Variants in ATG2B observed in about 807,000 individuals in gnomAD.
ATG2B encodes the protein autophagy related 2B.
Under a neutral mutation model 241.3 loss-of-function variants are expected in ATG2B, and 121 were observed. The ratio of observed to expected loss-of-function variants is 0.50; its 90% CI spans 0.43 to 0.58. The LOEUF (loss-of-function observed/expected upper bound fraction) is 0.58. Ranked by LOEUF, ATG2B falls within the 20% of genes least tolerant of loss-of-function variation. ATG2B has a pLI of 0.00. For missense variants in ATG2B, 2,306 were observed against 2,491.6 expected (o/e 0.93, Z 1.59); for synonymous variants, 858 against 876.6 (o/e 0.98, Z 0.37).
intron 2 of ATG2B, 121 bp from the exon 3 acceptor site, chr14:96,345,506 A>T (rs10145015): frequency 1.4e-6 from 1 of 691,856 alleles, no homozygotes; most frequent in Non-Finnish European, 2.2e-6. Context: ...TAACATCATG[A>T]TGTTACCCAG....
chr14:96,327,813 T>C (rs1208490546), intron 14 of ATG2B, among the ~76,000 whole-genome samples: 1 of 152,162 alleles, frequency 6.6e-6, no homozygotes, highest in Admixed American at 6.6e-5. Context: ...ACCATCTTCA[T>C]AACCATCATT....
At chr14:96,302,342 G>C (rs1459970478) in intron 33 of ATG2B, among the ~76,000 whole-genome samples, 1 of 152,046 alleles carries the variant, frequency 6.6e-6, no homozygotes, top group Non-Finnish European at 1.5e-5. Context: ...TCAACACTTT[G>C]GGAGGCTAAG....
chr14:96,355,332 C>A (rs377717973), intron 1 of ATG2B, among the ~76,000 whole-genome samples: 1 of 152,044 alleles, frequency 6.6e-6, no homozygotes, highest in South Asian at 2.1e-4. Flanking sequence ...AGGAAGGGGT[C>A]CAGTTTCAAT....
chr14:96,321,276 T>C (rs1401386573), intron 18 of ATG2B, among the ~76,000 whole-genome samples: 1 of 152,172 alleles, frequency 6.6e-6, no homozygotes, highest in African/African-American at 2.4e-5. Flanking sequence ...TTCTGAAGAT[T>C]AATGGAAACT....
At chr14:96,299,917 C>T (rs1886744659) in intron 34 of ATG2B, among the ~76,000 whole-genome samples, 3 of 152,102 alleles carry the variant, frequency 2.0e-5, no homozygotes, top group Admixed American at 2.0e-4. Context: ...AAAAAATAAA[C>T]AAAAATATTT....
intron 30 of ATG2B, among the ~76,000 whole-genome samples, chr14:96,306,028 T>C (rs1177964815): frequency 6.6e-6 from 1 of 152,224 alleles, no homozygotes; most frequent in East Asian, 1.9e-4. Flanking sequence ...AACCACTCCA[T>C]AAGGATTTTT....
chr14:96,295,082 G>A lies in ATG2B; in HGVS notation c.5304C>T (p.Phe1768=). ...TSKEPNLVIS[F]SGPKQPSQND... is the part of the protein sequence containing the mutation. Reference sequence around the variant, plus strand: ...TTTGGGAAGGCTGTTTTGGCCCAGAGAAAGAAATAACCAGATTTGGCTCCT... The same window carrying A: ...TTTGGGAAGGCTGTTTTGGCCCAGAAAAAGAAATAACCAGATTTGGCTCCT... Residue 1768 remains phenylalanine, a synonymous_variant, in exon 36 of 42, where the codon TTC becomes TTT. Transcript: ENST00000359933. 6.2e-7 allele frequency: 1 copy of A among 1,614,190 alleles called. No individual in the cohort carries two copies. Among genetic ancestry groups the A allele is most frequent in the Non-Finnish European group, 8.5e-7 (1 of 1,180,036 alleles).
rs74489247 is a variant in ATG2B, at chr14:96,358,194, G to T, written c.162+4621C>A. Among the ~76,000 whole-genome samples, 1,256 of 152,316 alleles carry T rather than the reference G, an allele frequency of 8.2e-3. 21 individuals carry two copies. The highest frequency in any genetic ancestry group is 0.028 in the African/African-American group (1,171 of 41,570). On this transcript the variant is annotated intron_variant, in intron 1 of 41. Transcript: ENST00000359933. Reference sequence around the variant, plus strand: ...TCATGCCTGTAATTCCAGAAACTGGGGGGGGCTGAGGTGGGAGGATCACTT... The same window carrying T: ...TCATGCCTGTAATTCCAGAAACTGGTGGGGGCTGAGGTGGGAGGATCACTT...
At chr14:96,356,166 G>A (rs1337454054) in intron 1 of ATG2B, among the ~76,000 whole-genome samples, 3 of 48,568 alleles carry the variant, frequency 6.2e-5, no homozygotes, top group Non-Finnish European at 1.1e-4. Flanking sequence ...GCAAGAATGC[G>A]GCTCAAAAAA....
chr14:96,316,494 T>A, intron 21 of ATG2B, 39 bp downstream of exon 21: 2 of 1,588,170 alleles, frequency 1.3e-6, no homozygotes, highest in Non-Finnish European at 1.7e-6. Flanking sequence ...AATTTAAACA[T>A]GTCTAAAGAG....
intron 20 of ATG2B, 46 bp from the exon 21 acceptor site, chr14:96,316,729 G>T: frequency 6.5e-7 from 1 of 1,537,870 alleles, no homozygotes. Context: ...CTTAAATGCA[G>T]AAAAGTAAGC....
rs992277405 is a variant in ATG2B at position 96,303,234 on chromosome 14, A to G, written c.4864T>C (p.Tyr1622His). ...LSKVKFQHEV[Y>H]PPCKPDCDSS... Reference sequence around the variant, plus strand: ...TCACAATCAGGTTTGCATGGCGGGTAGACTTCATGCTGAAACTTCACCTTA... The same window carrying G: ...TCACAATCAGGTTTGCATGGCGGGTGGACTTCATGCTGAAACTTCACCTTA... Residue 1622 changes from tyrosine to histidine, a missense_variant, in exon 33 of 42, where the codon TAC becomes CAC. Tyr to His is a moderately conservative substitution (Grantham distance 83). Transcript: ENST00000359933. 23 of 1,594,296 alleles carry G rather than the reference A, an allele frequency of 1.4e-5. No individual in the cohort carries two copies. Among genetic ancestry groups the G allele is most frequent in the Non-Finnish European group, 1.9e-5 (22 of 1,169,082 alleles).
intron 5 of ATG2B, among the ~76,000 whole-genome samples, chr14:96,342,570 A>G (rs1291884400): frequency 2.6e-5 from 4 of 151,970 alleles, no homozygotes; most frequent in African/African-American, 9.7e-5. Flanking sequence ...AAAAATACAA[A>G]AATTAGCCGG....
intron 29 of ATG2B, among the ~76,000 whole-genome samples, chr14:96,308,268 A>ATG (rs1887043271): frequency 1.3e-4 from 2 of 15,348 alleles, no homozygotes; most frequent in African/African-American, 2.3e-4. Flanking sequence ...ATATATATAT[A>ATG]TATATATATA....
chr14:96,337,840 A>T (rs1326309383), intron 6 of ATG2B, among the ~76,000 whole-genome samples: 1 of 152,054 alleles, frequency 6.6e-6, no homozygotes, highest in East Asian at 1.9e-4. Context: ...TGGGAATTGC[A>T]TTGAATATGT....
At chr14:96,336,585 G>C (rs1045695705) in intron 6 of ATG2B, among the ~76,000 whole-genome samples, 2 of 151,912 alleles carry the variant, frequency 1.3e-5, no homozygotes, top group Non-Finnish European at 2.9e-5. Flanking sequence ...AAAGACATTT[G>C]TACAAATCAA....
Position 96,331,431 on chromosome 14 carries a change from C to T in ATG2B, c.1675G>A (p.Asp559Asn). The part of the protein sequence containing the change: ...KIDPARFSTE[D>N]FKSFRAVFAE... Reference sequence around the variant, plus strand: ...AACACTGCTCGGAAAGACTTAAAATCTTCTGTTGAAAATCTTGCTGGATCA... The same window carrying T: ...AACACTGCTCGGAAAGACTTAAAATTTTCTGTTGAAAATCTTGCTGGATCA... The change falls in exon 11 of 42, where the codon GAT becomes AAT. Residue 559 changes from aspartate (D) to asparagine (N), a missense_variant. Physicochemically the swap from Asp to Asn is conservative, Grantham distance 23. Coordinates refer to ENST00000359933, the MANE Select transcript of ATG2B (RefSeq NM_018036.7). The T allele has an allele frequency of 6.2e-7, 1 of 1,614,026 alleles. No individual in the cohort carries two copies. Among genetic ancestry groups the T allele is most frequent in the Non-Finnish European group, 8.5e-7 (1 of 1,179,958 alleles).
Position 96,285,501 on chromosome 14 carries a change from T to A in ATG2B, c.*254A>T. 1 of 499,832 alleles carries A rather than the reference T, an allele frequency of 2.0e-6. No individual in the cohort carries two copies. The highest frequency in any genetic ancestry group is 3.3e-5 in the Admixed American group (1 of 30,274). The allele number at this position is 499,832 out of a possible 1,614,324, so 31.0% of individuals were successfully genotyped here. A position where few individuals can be genotyped will look rare whatever the true frequency, so the allele number is the denominator to read the frequency against. ...ACAGTCATCTTAACAAAAGTGAGCC[T>A]TCCACTAACTTGGCAGCAAATGCTT... is the stretch of plus-strand genomic sequence containing the variant. On this transcript the variant is annotated 3_prime_UTR_variant, in exon 42 of 42. Coordinates refer to ENST00000359933, the MANE Select transcript of ATG2B (RefSeq NM_018036.7). This position sits in a 1 kb window ranked among gnomAD's most constrained non-coding sequence, Gnocchi z 4.2.
At chr14:96,294,808 TG>T in intron 36 of ATG2B, 151 bp downstream of exon 36, 2 of 673,546 alleles carry the variant, frequency 3.0e-6, no homozygotes, top group Non-Finnish European at 2.5e-6. Context: ...TGCAATTAGA[TG>T]GGGACCACAA....
Sources: gnomAD v4.1 joint callset for allele counts (sites outside exome capture counted in the v4.1 genomes callset) on GRCh38, gnomAD v4.1.1 for gene constraint, Gnocchi (gnomAD v3.1) non-coding constraint, MANE v1.5 for transcripts, NCBI Gene and HGNC (gene_info 2026-07-23, HGNC 2026-07-21) for gene names.